STK3: variants seen among roughly 807,000 people sequenced by gnomAD.
STK3 encodes the protein serine/threonine kinase 3.
Under a neutral mutation model 58.0 loss-of-function variants are expected in STK3, and 41 were observed. The observed-to-expected ratio is 0.71, with a 90% confidence interval of 0.55 to 0.92. The LOEUF (loss-of-function observed/expected upper bound fraction) is 0.92. STK3 is among the 40% of genes least tolerant of loss of function. The pLI is 0.00. For synonymous variants in STK3, 170 were observed against 191.0 expected (o/e 0.89, Z 0.91); for missense variants, 479 against 602.7 (o/e 0.79, Z 2.15).
intron 1 of STK3, chr8:98,438,418 A>C (rs12546344): frequency 0.29 from 43,578 of 152,210 alleles, 7,379 homozygotes; most frequent in Admixed American, 0.46. Context: ...GCATATTCAG[A>C]GACTGAAGTG....
downstream of STK3, among the ~76,000 whole-genome samples, chr8:98,368,667 A>G (rs1379825517): frequency 3.3e-5 from 5 of 152,128 alleles, no homozygotes; most frequent in Non-Finnish European, 2.9e-5. Context: ...GAATGAAGGT[A>G]AGTTCCAGTA....
chr8:98,936,159 C>A (rs116703422), intron 1 of STK3, among the ~76,000 whole-genome samples: 5,718 of 152,208 alleles, frequency 0.038, 128 homozygotes, highest in Middle Eastern at 0.068. Context: ...AGCTTGTGAT[C>A]CACCTACCTC....
chr8:98,468,106 C>T (rs1820625875), intron 10 of STK3, among the ~76,000 whole-genome samples: 1 of 152,212 alleles, frequency 6.6e-6, no homozygotes, highest in Non-Finnish European at 1.5e-5. Context: ...TTCGAAGCAT[C>T]TAAATCCACA....
intron 6 of STK3, chr8:98,602,408 T>C (rs1241254630): frequency 2.0e-5 from 3 of 152,380 alleles, no homozygotes; most frequent in East Asian, 1.9e-4. Context: ...GTGCCTTCTA[T>C]GAGGAACAAG....
At chr8:98,475,680 T>C (rs184925786) in intron 10 of STK3, among the ~76,000 whole-genome samples, 75 of 152,300 alleles carry the variant, frequency 4.9e-4, no homozygotes, top group African/African-American at 1.5e-3. Flanking sequence ...ATCTGATATC[T>C]ACGCTATGAT....
chr8:98,715,082 A>T (rs1467938119), intron 4 of STK3, among the ~76,000 whole-genome samples: 6 of 152,038 alleles, frequency 3.9e-5, no homozygotes, highest in Admixed American at 6.5e-5. Context: ...CAGCCATATG[A>T]AGAAAGCTGA....
At chr8:98,714,363 T>C (rs569368591) in intron 4 of STK3, among the ~76,000 whole-genome samples, 9 of 152,338 alleles carry the variant, frequency 5.9e-5, no homozygotes, top group South Asian at 4.1e-4. Flanking sequence ...GATGACATGA[T>C]TGGATATCTA....
chr8:98,803,424 C>G (rs1218764204), intron 1 of STK3, among the ~76,000 whole-genome samples: 1 of 151,680 alleles, frequency 6.6e-6, no homozygotes, highest in Non-Finnish European at 1.5e-5. Context: ...GAAACCCCGT[C>G]TCTACTAAAA....
intron 1 of STK3, among the ~76,000 whole-genome samples, chr8:98,809,611 C>T (rs1292206037): frequency 6.6e-6 from 1 of 152,138 alleles, no homozygotes; most frequent in Non-Finnish European, 1.5e-5. Context: ...GTGTACTTTG[C>T]TTCAGTTAGC....
intron 10 of STK3, among the ~76,000 whole-genome samples, chr8:98,474,271 T>G (rs1388359806): frequency 6.6e-6 from 1 of 152,148 alleles, no homozygotes; most frequent in Admixed American, 6.5e-5. Context: ...CCCCTCCAAT[T>G]CACTCTCCAT....
At chr8:98,711,766 T>C (rs572860681) in intron 4 of STK3, among the ~76,000 whole-genome samples, 9 of 152,100 alleles carry the variant, frequency 5.9e-5, no homozygotes, top group African/African-American at 2.2e-4. Context: ...ACCATTGAAA[T>C]TCAGGAAATA....
rs193296307 is a variant in STK3, at chr8:98,743,457, C to G, written c.351+5819G>C. On this transcript the variant is annotated intron_variant, in intron 4 of 10. Coordinates refer to ENST00000419617, the MANE Select transcript of STK3 (RefSeq NM_006281.4). ...ATATCTACAACTATCTGATCTTTGA[C>G]AAACCTGAGAAAAACAAGCAATGGG... Among the ~76,000 whole-genome samples, 1,026 of 152,194 alleles carry G rather than the reference C, an allele frequency of 6.7e-3. 3 individuals carry two copies. Among genetic ancestry groups the G allele is most frequent in the Middle Eastern group, 0.014 (4 of 294 alleles).
chr8:98,821,872 AG>A (rs1204696262), intron 1 of STK3, among the ~76,000 whole-genome samples: 1 of 152,120 alleles, frequency 6.6e-6, no homozygotes, highest in Non-Finnish European at 1.5e-5. Context: ...AAAATCATCT[AG>A]GTCTCTGAGT....
intron 4 of STK3, among the ~76,000 whole-genome samples, chr8:98,713,906 G>A (rs1428525482): frequency 6.6e-6 from 1 of 152,120 alleles, no homozygotes; most frequent in Non-Finnish European, 1.5e-5. Context: ...ACCGAATCCA[G>A]CAGCACATCA....
intron 9 of STK3, among the ~76,000 whole-genome samples, chr8:98,540,590 G>A (rs902366815): frequency 1.3e-5 from 2 of 152,170 alleles, no homozygotes; most frequent in African/African-American, 4.8e-5. Flanking sequence ...GCCAGGGCTG[G>A]AGGCCGAGGT....
intron 4 of STK3, among the ~76,000 whole-genome samples, chr8:98,740,489 A>G (rs1046786017): frequency 2.0e-5 from 3 of 152,190 alleles, no homozygotes; most frequent in African/African-American, 7.2e-5. Context: ...ATATCCAGCC[A>G]AACTAAGCTT....
At chr8:98,413,421 C>T (rs1818077691) in intron 3 of STK3, 1 of 566,506 alleles carries the variant, frequency 1.8e-6, no homozygotes. Context: ...CTGCTGATCC[C>T]TCACTTTCCT....
chr8:98,750,499 G>A (rs529243362), intron 3 of STK3, among the ~76,000 whole-genome samples: 12 of 151,340 alleles, frequency 7.9e-5, no homozygotes, highest in Non-Finnish European at 1.5e-4. Flanking sequence ...AAAAGAACAC[G>A]TAGAGACTCT....
intron 3 of STK3, among the ~76,000 whole-genome samples, chr8:98,417,130 CTT>C (rs1226395782): frequency 6.6e-6 from 1 of 152,140 alleles, no homozygotes; most frequent in Non-Finnish European, 1.5e-5. Flanking sequence ...TCAGGAACCT[CTT>C]GTCTTGAAAA....
Sources: gnomAD v4.1 joint callset for allele counts (sites outside exome capture counted in the v4.1 genomes callset) on GRCh38, gnomAD v4.1.1 for gene constraint, MANE v1.5 for transcripts, NCBI Gene and HGNC (gene_info 2026-07-23, HGNC 2026-07-21) for gene names.